The following CTNNA2 variants were observed in gnomAD, a reference collection of about 807,000 sequenced individuals.
CTNNA2 encodes catenin alpha-2.
In CTNNA2, 42 loss-of-function variants were observed where a neutral mutation model predicts 101.0. The ratio of observed to expected loss-of-function variants is 0.42; its 90% CI spans 0.32 to 0.54. The LOEUF is 0.54. Among genes scored for constraint, CTNNA2 ranks in the 20% least tolerant of loss-of-function variants. The pLI is 0.14. For synonymous variants in CTNNA2, 450 were observed against 456.4 expected (o/e 0.99, Z 0.18); for missense variants, 871 against 1,223.1 (o/e 0.71, Z 4.29).
At chr2:80,594,170 T>C (rs114812174) in intron 15 of CTNNA2, among the ~76,000 whole-genome samples, 5,943 of 152,244 alleles carry the variant, frequency 0.039, 396 homozygotes, top group African/African-American at 0.13. Context: ...TGTTTTTTTC[T>C]TGATAGTAGC....
intron 1 of CTNNA2, among the ~76,000 whole-genome samples, chr2:79,589,455 C>T (rs911039144): frequency 2.0e-5 from 3 of 151,872 alleles, no homozygotes; most frequent in South Asian, 4.2e-4. Flanking sequence ...AAGTTGTCTC[C>T]ACTATTGTCC....
chr2:80,398,215 C>T (rs374538922), intron 8 of CTNNA2, among the ~76,000 whole-genome samples: 61 of 152,120 alleles, frequency 4.0e-4, no homozygotes, highest in African/African-American at 1.4e-3. Flanking sequence ...AATGTTAAGG[C>T]GTTCTATTGT....
At chr2:79,833,852 A>G (rs1042047438) in intron 3 of CTNNA2, among the ~76,000 whole-genome samples, 14 of 152,148 alleles carry the variant, frequency 9.2e-5, no homozygotes, top group African/African-American at 3.4e-4. Flanking sequence ...CTTCTTTAAT[A>G]TTTTCATTAG....
intron 3 of CTNNA2, among the ~76,000 whole-genome samples, chr2:79,841,518 C>A (rs1168889782): frequency 6.6e-6 from 1 of 151,980 alleles, no homozygotes; most frequent in Non-Finnish European, 1.5e-5. Context: ...TAATGAAAAT[C>A]TGTCATGGGA....
intron 7 of CTNNA2, among the ~76,000 whole-genome samples, chr2:79,920,886 T>C (rs936871938): frequency 2.6e-5 from 4 of 152,228 alleles, no homozygotes; most frequent in African/African-American, 9.6e-5. Context: ...CTCACTCTTA[T>C]TTCTGTCGCT....
At chr2:79,934,044 A>G (rs1329056348) in intron 7 of CTNNA2, among the ~76,000 whole-genome samples, 1 of 152,212 alleles carries the variant, frequency 6.6e-6, no homozygotes, top group East Asian at 1.9e-4. Flanking sequence ...ACTAAGCTGT[A>G]ACTATAAACT....
intron 1 of CTNNA2, among the ~76,000 whole-genome samples, chr2:79,644,227 A>G (rs555169657): frequency 1.3e-5 from 2 of 151,862 alleles, no homozygotes; most frequent in Admixed American, 1.3e-4. Flanking sequence ...TTTAGTAGAG[A>G]TGGGGTTTCA....
At chr2:79,278,865 T>C (rs1313316138) in intron 2 of CTNNA2, among the ~76,000 whole-genome samples, 1 of 152,020 alleles carries the variant, frequency 6.6e-6, no homozygotes, top group African/African-American at 2.4e-5. Context: ...GAATAGAGGA[T>C]AGGACTACAG....
chr2:79,857,559 C>T (rs1289975322), intron 3 of CTNNA2, among the ~76,000 whole-genome samples: 1 of 152,106 alleles, frequency 6.6e-6, no homozygotes, highest in East Asian at 1.9e-4. Flanking sequence ...CTGATTAGCT[C>T]AATTAGGAGT....
intron 7 of CTNNA2, among the ~76,000 whole-genome samples, chr2:79,969,383 G>T (rs1209635421): frequency 2.0e-5 from 3 of 152,172 alleles, no homozygotes; most frequent in Non-Finnish European, 2.9e-5. Flanking sequence ...ATATGCATTT[G>T]TTCCTGATTA....
chr2:80,035,555 T>C (rs537658769), intron 7 of CTNNA2, among the ~76,000 whole-genome samples: 1 of 152,308 alleles, frequency 6.6e-6, no homozygotes, highest in Admixed American at 6.5e-5. Flanking sequence ...AGTGTATTTG[T>C]ACATTTAAAA....
chr2:80,333,466 T>C (rs374520068), intron 7 of CTNNA2, among the ~76,000 whole-genome samples: 1 of 152,142 alleles, frequency 6.6e-6, no homozygotes, highest in African/African-American at 2.4e-5. Context: ...ATAAGAGATA[T>C]GCATGATCAA....
chr2:80,540,502 C>T (rs182277089), intron 9 of CTNNA2, among the ~76,000 whole-genome samples: 1 of 150,784 alleles, frequency 6.6e-6, no homozygotes, highest in Non-Finnish European at 1.5e-5. Context: ...GAGGCTGAGA[C>T]AGGAGAATCA....
At position 80,258,396 on chromosome 2, in the gene CTNNA2, C is replaced by T. The variant is rs143670410; in HGVS notation, c.1057-134815C>T. On this transcript the variant is annotated intron_variant, in intron 7 of 18. Transcript: ENST00000402739. Reference sequence around the variant, plus strand: ...CTTAATTTGTGCAACACTTTTTCTGCGGATCCTTGTCCTAAGGGAAGTAGA... The same window carrying T: ...CTTAATTTGTGCAACACTTTTTCTGTGGATCCTTGTCCTAAGGGAAGTAGA... Among the ~76,000 whole-genome samples the T allele has an allele frequency of 5.0e-4, 76 of 152,194 alleles. 2 individuals carry two copies. Among genetic ancestry groups the T allele is most frequent in the Middle Eastern group, 6.8e-3 (2 of 294 alleles).
In CTNNA2 at chr2:80,219,984, C is replaced by CA. The variant is rs143720405; in HGVS notation, c.1057-173219dup. 1.8e-3 allele frequency among the ~76,000 whole-genome samples: 278 copies of CA among 151,626 alleles called. 3 individuals are homozygous for CA. Among genetic ancestry groups the CA allele is most frequent in the Admixed American group, 4.0e-3 (61 of 15,204 alleles). ...AGTACATTAAATTGAAACAAACAAACAAAAAAAACACAAAAACCACAACCA... is the reference window on the plus strand; with the variant it reads ...AGTACATTAAATTGAAACAAACAAACAAAAAAAAACACAAAAACCACAACCA... On this transcript the variant is annotated intron_variant, in intron 7 of 18. Coordinates refer to ENST00000402739, the MANE Select transcript of CTNNA2 (RefSeq NM_001282597.3).
chr2:79,722,212 G>A (rs1232678487), intron 2 of CTNNA2, among the ~76,000 whole-genome samples: 1 of 152,130 alleles, frequency 6.6e-6, no homozygotes, highest in Non-Finnish European at 1.5e-5. Context: ...ATAGGCATGG[G>A]CTCATCATCA....
At chr2:79,485,495 A>G (rs980267621) in intron 4 of CTNNA2, among the ~76,000 whole-genome samples, 4 of 152,350 alleles carry the variant, frequency 2.6e-5, no homozygotes, top group Admixed American at 2.6e-4. Context: ...TAAGTTTGCA[A>G]ATCGCTTTGA....
intron 9 of CTNNA2, among the ~76,000 whole-genome samples, chr2:80,512,369 A>G (rs1256261318): frequency 6.6e-6 from 1 of 152,156 alleles, no homozygotes; most frequent in Non-Finnish European, 1.5e-5. Flanking sequence ...AAAAGCAGAT[A>G]TAAAAATAAA....
intron 7 of CTNNA2, among the ~76,000 whole-genome samples, chr2:80,354,676 G>T (rs723524): frequency 0.15 from 23,495 of 152,122 alleles, 2,295 homozygotes; most frequent in East Asian, 0.36. Context: ...TGTGCAGAAT[G>T]ATAGGGAAAT....
Sources: gnomAD v4.1 joint callset for allele counts (sites outside exome capture counted in the v4.1 genomes callset) on GRCh38, gnomAD v4.1.1 for gene constraint, MANE v1.5 for transcripts, NCBI Gene and HGNC (gene_info 2026-07-23, HGNC 2026-07-21) for gene names.